The following CRAMP1 variants were observed in gnomAD, a reference collection of about 807,000 sequenced individuals.
CRAMP1 encodes protein cramped-like.
A neutral mutation model predicts 115.4 loss-of-function variants in CRAMP1; 50 were observed. That is an observed-to-expected ratio of 0.43 (90% CI 0.35 to 0.55). The LOEUF (loss-of-function observed/expected upper bound fraction) is 0.55, where lower values mean the gene tolerates loss of function less well. Among genes scored for constraint, CRAMP1 ranks in the 20% least tolerant of loss-of-function variants. The probability of loss-of-function intolerance (pLI) is 0.01; values close to 1 mark genes in which losing one functional copy is unlikely to be tolerated. For missense variants in CRAMP1, 1,679 were observed against 1,721.7 expected, an observed-to-expected ratio of 0.98 and a Z score of 0.44; for synonymous variants, 866 against 745.4, an observed-to-expected ratio of 1.16 and a Z score of -2.64.
Position 1,666,719 on chromosome 16 carries a change from CA to C in CRAMP1, c.3036+120del. 2 of 940,414 alleles carry C rather than the reference CA, an allele frequency of 2.1e-6. No individual in the cohort carries two copies. The highest frequency in any genetic ancestry group is 3.2e-6 in the Non-Finnish European group (2 of 619,336). 58.3% of individuals were successfully genotyped at this position (940,414 alleles called of 1,614,324 possible). ...TGCCTTTGGAGGAGAGTCTCTGGAC[CA>C]GGGGTGCCATGGCATAAGCAAACTC... On this transcript the variant is annotated intron_variant, in intron 16 of 20. Transcript: ENST00000397412. The surrounding 1 kb of genome is among the most constrained non-coding windows in gnomAD (Gnocchi z 5.0).
At chr16:1,653,409 A>G (rs564042767) in intron 8 of CRAMP1, among the ~76,000 whole-genome samples, 12 of 152,320 alleles carry the variant, frequency 7.9e-5, no homozygotes, top group Admixed American at 3.9e-4. Flanking sequence ...GAGGAGCTGC[A>G]GAGCCTTCCT....
chr16:1,652,849 C>T (rs1175510672), intron 7 of CRAMP1, among the ~76,000 whole-genome samples, 184 bp from the exon 8 acceptor site: 1 of 152,154 alleles, frequency 6.6e-6, no homozygotes, highest in Non-Finnish European at 1.5e-5. Flanking sequence ...CAGTCTGTGG[C>T]CTTTGCAAAC....
At chr16:1,648,020 A>T (rs560033331) in intron 6 of CRAMP1, among the ~76,000 whole-genome samples, 14 of 152,260 alleles carry the variant, frequency 9.2e-5, no homozygotes, top group Admixed American at 9.2e-4. Context: ...CGCAGCCTCA[A>T]GTCGGTCGCA....
chr16:1,641,437 G>A (rs558995852), intron 6 of CRAMP1, among the ~76,000 whole-genome samples: 2 of 152,306 alleles, frequency 1.3e-5, no homozygotes, highest in Admixed American at 1.3e-4. Flanking sequence ...GTCTCTGGCT[G>A]GGCGTTGTGG....
chr16:1,666,700 T>C lies in CRAMP1; in HGVS notation c.3036+100T>C, dbSNP rs552337321. On this transcript the variant is annotated intron_variant, in intron 16 of 20. Transcript: ENST00000397412. The surrounding 1 kb of genome is among the most constrained non-coding windows in gnomAD (Gnocchi z 5.0). ...TCACGCTGGACTCCAGCTCTGCCTT[T>C]GGAGGAGAGTCTCTGGACCAGGGGT... 2.5e-4 allele frequency: 279 copies of C among 1,128,060 alleles called. No individual in the cohort carries two copies. The African/African-American group carries it at 3.7e-3, about 15-fold the overall frequency. 69.9% of individuals were successfully genotyped at this position (1,128,060 alleles called of 1,614,324 possible).
chr16:1,654,359 G>A (rs1283626543), intron 8 of CRAMP1, among the ~76,000 whole-genome samples: 4 of 151,642 alleles, frequency 2.6e-5, no homozygotes, highest in African/African-American at 7.3e-5. Flanking sequence ...TTACATGCGC[G>A]TGCCACCACG....
At chr16:1,627,312 A>T (rs1029103953) in intron 3 of CRAMP1, among the ~76,000 whole-genome samples, 2 of 152,000 alleles carry the variant, frequency 1.3e-5, no homozygotes, top group African/African-American at 4.8e-5. Flanking sequence ...CACCCAGCTA[A>T]TTTTTTGTAT....
At chr16:1,621,483 G>A (rs1364070632) in intron 2 of CRAMP1, among the ~76,000 whole-genome samples, 1 of 152,238 alleles carries the variant, frequency 6.6e-6, no homozygotes, top group Non-Finnish European at 1.5e-5. Flanking sequence ...GCAGGTGGCA[G>A]TGTGGCCTCT....
chr16:1,639,498 C>A (rs74923146), intron 5 of CRAMP1, among the ~76,000 whole-genome samples: 1 of 151,806 alleles, frequency 6.6e-6, no homozygotes, highest in African/African-American at 2.4e-5. Context: ...ACAAAGGTTA[C>A]ACTCTATGCA....
rs754230133 is a variant in CRAMP1, at chr16:1,656,974, C to T, written c.2217C>T (p.Thr739=). The change falls in exon 10 of 21, where the codon ACC becomes ACT. Residue 739 remains threonine, a synonymous_variant. Transcript: ENST00000397412. This position sits in a 1 kb window ranked among gnomAD's most constrained non-coding sequence, Gnocchi z 5.6. ...LLSCLLKLIS[T]EVNPKLALEA... is the part of the protein sequence containing the mutation. ...GCTGCCTCCTGAAGCTCATTTCCAC[C>T]GAGGTCAACCCCAAGCTGGTGAGTG... is the stretch of plus-strand genomic sequence containing the variant. The T allele has an allele frequency of 2.2e-5, 34 of 1,542,076 alleles. No homozygotes were observed. In the East Asian group the frequency reaches 2.4e-4, roughly 11 times the overall value.
rs138921035 is a variant in CRAMP1, at chr16:1,660,898, A to T, written c.2413+835A>T. ...TGGTGCGCGCCTGTTAATCCCAGCTACTCCGAAGGCTGAGGCAGGAGAATC... is the reference window on the plus strand; with the variant it reads ...TGGTGCGCGCCTGTTAATCCCAGCTTCTCCGAAGGCTGAGGCAGGAGAATC... On this transcript the variant is annotated intron_variant, in intron 11 of 20. Coordinates refer to ENST00000397412, the MANE Select transcript of CRAMP1 (RefSeq NM_020825.4). Among the ~76,000 whole-genome samples the T allele has an allele frequency of 4.3e-4, 65 of 152,246 alleles. 1 individual carries two copies. Among genetic ancestry groups the T allele is most frequent in the African/African-American group, 1.4e-3 (60 of 41,534 alleles).
intron 14 of CRAMP1, chr16:1,665,872 G>A (rs1422509895): frequency 1.5e-5 from 9 of 581,122 alleles, no homozygotes; most frequent in Non-Finnish European, 2.5e-5. Flanking sequence ...ACAGTGGTGG[G>A]TGCCAGAGCT....
chr16:1,614,849 C>T lies in CRAMP1; in HGVS notation c.210C>T (p.Ser70=). The T allele has an allele frequency of 2.3e-6, 3 of 1,289,884 alleles. No individual in the cohort carries two copies. The highest frequency in any genetic ancestry group is 1.5e-5 in the African/African-American group (1 of 64,732). 79.9% of individuals were successfully genotyped at this position (1,289,884 alleles called of 1,614,324 possible). ...PAPPGAPQAP[S]PPQGSPQDQH... ...CCCCCGGCGCGCCGCAGGCGCCGTC[C>T]CCGCCGCAGGGCAGCCCCCAGGACC... Residue 70 remains serine (S), a synonymous_variant, in exon 2 of 21, where the codon TCC becomes TCT. Coordinates refer to ENST00000397412, the MANE Select transcript of CRAMP1 (RefSeq NM_020825.4). This position sits in a 1 kb window ranked among gnomAD's most constrained non-coding sequence, Gnocchi z 4.4.
chr16:1,673,442 C>T (rs1025909315), intron 20 of CRAMP1, among the ~76,000 whole-genome samples: 2 of 152,248 alleles, frequency 1.3e-5, no homozygotes, highest in African/African-American at 2.4e-5. Flanking sequence ...CACGTATCCT[C>T]GGGTTTTACC....
rs1229212450 is a variant in CRAMP1 at position 1,669,037 on chromosome 16, G to T, written c.3371G>T (p.Gly1124Val). The T allele has an allele frequency of 1.9e-6, 3 of 1,613,196 alleles. No individual in the cohort carries two copies. Among genetic ancestry groups the T allele is most frequent in the East Asian group, 2.2e-5 (1 of 44,850 alleles). The change falls in exon 19 of 21, where the codon GGC becomes GTC. Residue 1124 changes from glycine (G) to valine (V), a missense_variant. Physicochemically the swap from Gly to Val is moderately radical, Grantham distance 109. Transcript: ENST00000397412. This position sits in a 1 kb window ranked among gnomAD's most constrained non-coding sequence, Gnocchi z 4.6. ...CCTCTTTCTCCAGCAAAACTGAATG[G>T]CAGTGACAGTTCCAAGAGCCTTCCC... ...GVPLSPAKLN[G>V]SDSSKSLPSP...
chr16:1,632,479 C>T (rs969214213), intron 4 of CRAMP1, 114 bp downstream of exon 4: 8 of 1,109,322 alleles, frequency 7.2e-6, no homozygotes, highest in African/African-American at 3.2e-5. Context: ...TCTCACCAGC[C>T]GCTTGGCCTG....
At chr16:1,649,317 T>C (rs1265977370) in intron 6 of CRAMP1, among the ~76,000 whole-genome samples, 3 of 151,972 alleles carry the variant, frequency 2.0e-5, no homozygotes, top group Non-Finnish European at 4.4e-5. Context: ...CGTGAGTGGA[T>C]GGATGGATGG....
chr16:1,655,149 C>T (rs750571993), intron 8 of CRAMP1, 70 bp from the exon 9 acceptor site: 6 of 1,362,150 alleles, frequency 4.4e-6, no homozygotes, highest in Non-Finnish European at 5.3e-6. Context: ...TGTAAGCAGC[C>T]TCGGGACTCT....
rs561601536 is a variant in CRAMP1 at position 1,626,266 on chromosome 16, C to T, written c.540+100C>T. ...TCCTCTTTGCTGTTAGATTCTAGAA[C>T]GCAGATTCCTGGGCGACCCCCGCAG... On this transcript the variant is annotated intron_variant, in intron 3 of 20. Transcript: ENST00000397412. 4.2e-5 allele frequency: 50 copies of T among 1,187,124 alleles called. 2 individuals are homozygous for T. The South Asian group carries it at 5.1e-4, about 12-fold the overall frequency. The allele number at this position is 1,187,124 out of a possible 1,614,324, so 73.5% of individuals were successfully genotyped here. A position where few individuals can be genotyped will look rare whatever the true frequency, so the allele number is the denominator to read the frequency against.
Sources: gnomAD v4.1 joint callset for allele counts (sites outside exome capture counted in the v4.1 genomes callset) on GRCh38, gnomAD v4.1.1 for gene constraint, Gnocchi (gnomAD v3.1) non-coding constraint, MANE v1.5 for transcripts, NCBI Gene and HGNC (gene_info 2026-07-23, HGNC 2026-07-21) for gene names.